The following ZC3H12B variants were observed in gnomAD, a reference collection of about 807,000 sequenced individuals.
ZC3H12B encodes the protein zinc finger CCCH-type containing 12B, also known as probable ribonuclease ZC3H12B.
A neutral mutation model predicts 43.9 loss-of-function variants in ZC3H12B; 7 were observed. That is an observed-to-expected ratio of 0.16 (90% CI 0.09 to 0.30). The LOEUF (loss-of-function observed/expected upper bound fraction) is 0.30, where lower values mean the gene tolerates loss of function less well. Among genes scored for constraint, ZC3H12B ranks in the 10% least tolerant of loss-of-function variants. The pLI is 1.00. For synonymous variants in ZC3H12B, 222 were observed against 241.7 expected, an observed-to-expected ratio of 0.92 and a Z score of 0.76; for missense variants, 475 against 670.2, an observed-to-expected ratio of 0.71 and a Z score of 3.22.
chrX:65,065,101 C>A, the ZC3H12B span, among the ~76,000 whole-genome samples: 1 of 110,881 alleles, frequency 9.0e-6, no homozygotes, highest in African/African-American at 3.3e-5. Context: ...ATCCAGTTTG[C>A]CAGTCTGTAT....
rs376682657 is a variant in ZC3H12B, at chrX:65,391,132, T to A, written n.296-7461T>A. On this transcript the variant is annotated intron_variant and non_coding_transcript_variant, in intron 2 of 5. Transcript: ENST00000617377. ...ATTTTCTAAGCCCATCTGAGGACTT[T>A]GTACCTTTTCAAAAATATCCTATAT... Among the ~76,000 whole-genome samples the A allele has an allele frequency of 2.7e-4, 30 of 112,015 alleles. No individual in the cohort carries two copies. In the East Asian group the frequency reaches 7.6e-3, roughly 28 times the overall value.
chrX:65,379,051 A>C (rs2066394304), intron 2 of ZC3H12B, among the ~76,000 whole-genome samples: 1 of 112,225 alleles, frequency 8.9e-6, no homozygotes, highest in Admixed American at 9.4e-5. Context: ...GCAATTGCCC[A>C]GGCTTGCTTA....
intron 3 of ZC3H12B, among the ~76,000 whole-genome samples, chrX:65,417,371 C>T (rs1010123766): frequency 8.0e-5 from 9 of 112,392 alleles, no homozygotes; most frequent in African/African-American, 2.9e-4. Context: ...CTAAATCAAA[C>T]ATGTTTATTT....
At chrX:65,205,196 G>A in the ZC3H12B span, among the ~76,000 whole-genome samples, 1 of 111,078 alleles carries the variant, frequency 9.0e-6, no homozygotes, top group Admixed American at 9.6e-5. Context: ...TTGTTCAACC[G>A]GATTATCATT....
chrX:65,339,508 G>A, the ZC3H12B span, among the ~76,000 whole-genome samples: 21 of 112,178 alleles, frequency 1.9e-4, no homozygotes, highest in Non-Finnish European at 3.9e-4. Context: ...TGGTCCCAGA[G>A]TATTTGTTGC....
chrX:65,224,998 G>C, the ZC3H12B span, among the ~76,000 whole-genome samples: 2 of 111,789 alleles, frequency 1.8e-5, no homozygotes, highest in Non-Finnish European at 3.8e-5. Context: ...AAATGTCCCT[G>C]TCTGACAGAG....
At chrX:65,284,491 G>A in the ZC3H12B span, among the ~76,000 whole-genome samples, 2 of 111,851 alleles carry the variant, frequency 1.8e-5, no homozygotes, top group African/African-American at 6.5e-5. Context: ...GCCGGGCACG[G>A]TGGCTCATGC....
chrX:65,228,731 C>T, the ZC3H12B span, among the ~76,000 whole-genome samples: 36 of 111,961 alleles, frequency 3.2e-4, 1 homozygote, highest in Non-Finnish European at 5.3e-4. Flanking sequence ...CATTCTTATA[C>T]ACCAATAACA....
chrX:65,289,027 T>A, the ZC3H12B span, among the ~76,000 whole-genome samples: 4 of 110,091 alleles, frequency 3.6e-5, no homozygotes, highest in Non-Finnish European at 7.6e-5. Flanking sequence ...AAGAATAAAT[T>A]TAATATAGGA....
At chrX:65,212,657 T>TATATATAAATATATATGATTTATATATC in the ZC3H12B span, among the ~76,000 whole-genome samples, 488 of 85,685 alleles carry the variant, frequency 5.7e-3, 1 homozygote, top group African/African-American at 8.5e-3. Flanking sequence ...TATCATATAT[T>TATATATAAATATATATGATTTATATATC]ATATATAAAT....
chrX:65,492,523 T>A (rs2068219959), intron 1 of ZC3H12B, among the ~76,000 whole-genome samples: 4 of 111,533 alleles, frequency 3.6e-5, no homozygotes, highest in African/African-American at 1.3e-4. Context: ...TAGTGCAGAG[T>A]AGACCATGTA....
At chrX:65,067,934 T>C in the ZC3H12B span, among the ~76,000 whole-genome samples, 1 of 110,997 alleles carries the variant, frequency 9.0e-6, no homozygotes, top group East Asian at 2.8e-4. Context: ...TATGTTATAT[T>C]CTATTATCAT....
chrX:65,140,876 C>T, the ZC3H12B span, among the ~76,000 whole-genome samples: 1 of 111,664 alleles, frequency 9.0e-6, no homozygotes, highest in African/African-American at 3.2e-5. Flanking sequence ...TTAGTGGTCA[C>T]TTATGATCCT....
At chrX:65,430,513 G>T (rs771827004) in intron 3 of ZC3H12B, among the ~76,000 whole-genome samples, 1 of 67,446 alleles carries the variant, frequency 1.5e-5, no homozygotes, top group African/African-American at 6.5e-5. Flanking sequence ...CCCACAACAG[G>T]CCTCGGTGTG....
chrX:65,291,741 T>C, the ZC3H12B span, among the ~76,000 whole-genome samples: 1 of 112,252 alleles, frequency 8.9e-6, no homozygotes, highest in Non-Finnish European at 1.9e-5. Flanking sequence ...CTATAGTTAA[T>C]ACTGTACACT....
the ZC3H12B span, among the ~76,000 whole-genome samples, chrX:65,213,473 T>C: frequency 9.0e-6 from 1 of 110,959 alleles, no homozygotes; most frequent in Non-Finnish European, 1.9e-5. Context: ...ACAAGAAGTG[T>C]TTCAGATTTC....
At chrX:65,241,441 G>A in the ZC3H12B span, among the ~76,000 whole-genome samples, 1 of 15,279 alleles carries the variant, frequency 6.5e-5, no homozygotes, top group East Asian at 2.6e-3. Flanking sequence ...CCACAAAAAT[G>A]GCAGCTTCCC....
At chrX:65,476,117 T>C (rs954756154) in intron 3 of ZC3H12B, among the ~76,000 whole-genome samples, 2 of 112,356 alleles carry the variant, frequency 1.8e-5, no homozygotes, top group Non-Finnish European at 3.8e-5. Flanking sequence ...TTTGGGGTTC[T>C]TTTCACATCA....
At chrX:65,249,826 A>G in the ZC3H12B span, among the ~76,000 whole-genome samples, 1 of 51,607 alleles carries the variant, frequency 1.9e-5, no homozygotes, top group Non-Finnish European at 3.6e-5. Flanking sequence ...TTTTGCAGCT[A>G]TTGTAAACGG....
Sources: gnomAD v4.1 joint callset for allele counts (sites outside exome capture counted in the v4.1 genomes callset) on GRCh38, gnomAD v4.1.1 for gene constraint, MANE v1.5 for transcripts, NCBI Gene and HGNC (gene_info 2026-07-23, HGNC 2026-07-21) for gene names.